Variants in GFM2 observed in about 807,000 individuals in gnomAD.
The protein encoded by GFM2 is GTP dependent ribosome recycling factor mitochondrial 2, also known as ribosome-releasing factor 2, mitochondrial.
A neutral mutation model predicts 95.4 loss-of-function variants in GFM2; 72 were observed. The ratio of observed to expected loss-of-function variants is 0.76; its 90% CI spans 0.62 to 0.92. The LOEUF is 0.92. Among genes scored for constraint, GFM2 ranks in the 40% least tolerant of loss-of-function variants. The pLI is 0.00. For missense variants in GFM2, 825 were observed against 924.1 expected (o/e 0.89, Z 1.39); for synonymous variants, 276 against 317.5 (o/e 0.87, Z 1.39).
At chr5:74,765,675 G>A (rs1744540065) in intron 1 of GFM2, among the ~76,000 whole-genome samples, 1 of 151,956 alleles carries the variant, frequency 6.6e-6, no homozygotes, top group Non-Finnish European at 1.5e-5. Context: ...AGAATGATGA[G>A]ATCACCTTAG....
rs370900202 is a variant in GFM2, at chr5:74,730,050, T to TGGTC, written c.1726+206_1726+209dup. ...CTGAAAAGGACACTTGGTTGATGAG[T>TGGTC]GGTCATCCAGGAGATGTTATGGCTG... On this transcript the variant is annotated intron_variant, in intron 17 of 20. Transcript: ENST00000296805. Among the ~76,000 whole-genome samples the TGGTC allele has an allele frequency of 4.1e-3, 621 of 152,206 alleles. 9 individuals are homozygous for TGGTC. The highest frequency in any genetic ancestry group is 0.014 in the African/African-American group (583 of 41,532).
At chr5:74,761,277 A>G (rs1014973642) in intron 2 of GFM2, among the ~76,000 whole-genome samples, 1 of 152,198 alleles carries the variant, frequency 6.6e-6, no homozygotes, top group East Asian at 1.9e-4. Flanking sequence ...AAACATGCTT[A>G]GGCTCCAATC....
rs67360841 is a variant in GFM2, at chr5:74,732,927, GACACAC to G, written c.1587+89_1587+94del. On this transcript the variant is annotated intron_variant, in intron 16 of 20. Transcript: ENST00000296805. ...TTCAGGACACAGACTTAATGTTTTA[GACACAC>G]ACACACACACACACACACACACACA... 0.25 allele frequency: 101,169 copies of G among 400,804 alleles called. 6,023 individuals are homozygous for G. The highest frequency in any genetic ancestry group is 0.26 in the Non-Finnish European group (57,922 of 220,494). The allele number at this position is 400,804 out of a possible 1,614,324, so 24.8% of individuals were successfully genotyped here. A position where few individuals can be genotyped will look rare whatever the true frequency, so the allele number is the denominator to read the frequency against.
chr5:74,741,242 T>C (rs939879555), intron 11 of GFM2, among the ~76,000 whole-genome samples: 3 of 152,118 alleles, frequency 2.0e-5, no homozygotes, highest in Non-Finnish European at 4.4e-5. Context: ...AGAGGAATTA[T>C]CAGAATGAAA....
chr5:74,740,101 T>C lies in GFM2; in HGVS notation c.967A>G (p.Thr323Ala). ...TAIHRVTLAQ[T>A]AVPVLCGSAL... ...CTTCCACAAAGCACAGGCACTGCTGTCTGAGCTAGTGTCACTCTATGTATT... is the reference window on the plus strand; with the variant it reads ...CTTCCACAAAGCACAGGCACTGCTGCCTGAGCTAGTGTCACTCTATGTATT... Residue 323 changes from threonine to alanine, a missense_variant, in exon 12 of 21, where the codon ACA becomes GCA. Transcript: ENST00000296805. 1 of 1,606,662 alleles carries C rather than the reference T, an allele frequency of 6.2e-7. No individual in the cohort carries two copies. The highest frequency in any genetic ancestry group is 8.5e-7 in the Non-Finnish European group (1 of 1,177,336).
At chr5:74,725,519 C>T in intron 19 of GFM2, 121 bp downstream of exon 19, 1 of 586,544 alleles carries the variant, frequency 1.7e-6, no homozygotes. Context: ...TCTTGTTGAC[C>T]ACAAGGCTGA....
chr5:74,739,938 A>G, intron 12 of GFM2, 51 bp downstream of exon 12: 1 of 1,269,154 alleles, frequency 7.9e-7, no homozygotes, highest in Non-Finnish European at 1.0e-6. Context: ...GTATTTGCCT[A>G]CTTGTTTCTT....
chr5:74,723,106 G>GA (rs1424755576), intron 19 of GFM2, among the ~76,000 whole-genome samples: 2 of 152,086 alleles, frequency 1.3e-5, no homozygotes, highest in African/African-American at 4.8e-5. Context: ...AAAATTAAGA[G>GA]AAAAAAATCC....
intron 17 of GFM2, among the ~76,000 whole-genome samples, chr5:74,728,565 A>G (rs528415911): frequency 2.4e-4 from 37 of 152,146 alleles, no homozygotes; most frequent in African/African-American, 4.8e-5. Context: ...TGTACTTTCT[A>G]TCGCCTCTCT....
chr5:74,763,430 T>C (rs1481058911), intron 2 of GFM2, among the ~76,000 whole-genome samples: 1 of 152,240 alleles, frequency 6.6e-6, no homozygotes, highest in African/African-American at 2.4e-5. Context: ...CAAAAACAAC[T>C]GGCATTTTAG....
rs766229932 is a variant in GFM2, at chr5:74,751,449, G to A, written c.349C>T (p.Arg117Ter). ...DTVTDFMAQE[R>*]ERGITIQSAA... Reference sequence around the variant, plus strand: ...GATTGAATAGTAATGCCTCTTTCTCGCTCTTGGGCCATGAAATCTGTCACT... The same window carrying A: ...GATTGAATAGTAATGCCTCTTTCTCACTCTTGGGCCATGAAATCTGTCACT... Residue 117 changes from arginine (R) to a stop codon, truncating the protein, a stop_gained, in exon 6 of 21, where the codon CGA (arginine) becomes TGA (stop). Transcript: ENST00000296805. LOFTEE classifies it high-confidence loss of function. 1.4e-5 allele frequency: 22 copies of A among 1,608,904 alleles called. No individual in the cohort carries two copies. Among genetic ancestry groups the A allele is most frequent in the East Asian group, 2.2e-5 (1 of 44,832 alleles).
intron 6 of GFM2, among the ~76,000 whole-genome samples, chr5:74,751,147 A>C (rs1347005035): frequency 6.6e-6 from 1 of 152,176 alleles, no homozygotes; most frequent in African/African-American, 2.4e-5. Context: ...TTGTCCAATG[A>C]ATATAGTTTC....
intron 17 of GFM2, among the ~76,000 whole-genome samples, chr5:74,729,678 C>CTTTTTTTTTT (rs35280586): frequency 7.4e-6 from 1 of 134,852 alleles, no homozygotes; most frequent in African/African-American, 2.7e-5. Flanking sequence ...TCCTAAACGT[C>CTTTTTTTTTT]TTTTTTTTTT....
intron 2 of GFM2, among the ~76,000 whole-genome samples, chr5:74,761,262 T>C (rs191287159): frequency 2.5e-3 from 376 of 152,308 alleles, no homozygotes; most frequent in Middle Eastern, 0.02. Flanking sequence ...GAGGGCTTGT[T>C]TGAAAAACAT....
chr5:74,727,591 T>A (rs1750206792), intron 17 of GFM2, among the ~76,000 whole-genome samples: 1 of 152,324 alleles, frequency 6.6e-6, no homozygotes, highest in East Asian at 1.9e-4. Context: ...TAGAAACTAT[T>A]TTTTCCCAAT....
Position 74,740,111 on chromosome 5 carries a change from T to C in GFM2, c.957A>G (p.Thr319=), listed in dbSNP as rs751194665. The change falls in exon 12 of 21, where the codon ACA becomes ACG. Residue 319 remains threonine, a synonymous_variant. Transcript: ENST00000296805. ...GCACAGGCACTGCTGTCTGAGCTAG[T>C]GTCACTCTATGTATTGCAGTCTGTA... ...EKLQTAIHRV[T]LAQTAVPVLC... The C allele has an allele frequency of 6.2e-7, 1 of 1,604,982 alleles. No homozygotes were observed. Among genetic ancestry groups the C allele is most frequent in the South Asian group, 1.1e-5 (1 of 89,322 alleles).
intron 3 of GFM2, among the ~76,000 whole-genome samples, chr5:74,759,742 A>G (rs1466789750): frequency 6.6e-6 from 1 of 152,156 alleles, no homozygotes; most frequent in Admixed American, 6.5e-5. Flanking sequence ...ATAAATGCTC[A>G]TAATAATAAT....
intron 5 of GFM2, among the ~76,000 whole-genome samples, chr5:74,757,732 A>T (rs1303148187): frequency 5.8e-4 from 4 of 6,920 alleles, no homozygotes; most frequent in Non-Finnish European, 9.9e-4. Context: ...CTATGTCTCT[A>T]AAAAAAAAAA....
In GFM2 at chr5:74,736,736, C is replaced by T. The variant is rs765042058; in HGVS notation, c.1510+60G>A. 13 of 1,601,508 alleles carry T rather than the reference C, an allele frequency of 8.1e-6. No homozygotes were observed. In the Admixed American group the frequency reaches 1.0e-4, roughly 13 times the overall value. ...TAAGAAATCTCTTGAGGGTATATTG[C>T]AACTATTTTATATAAATTATCAGCG... On this transcript the variant is annotated intron_variant, in intron 15 of 20. Transcript: ENST00000296805.
Sources: gnomAD v4.1 joint callset for allele counts (sites outside exome capture counted in the v4.1 genomes callset) on GRCh38, gnomAD v4.1.1 for gene constraint, MANE v1.5 for transcripts, NCBI Gene and HGNC (gene_info 2026-07-23, HGNC 2026-07-21) for gene names.